CSMD1: variants seen among roughly 807,000 people sequenced by gnomAD.
The protein encoded by CSMD1 is CUB and sushi domain-containing protein 1.
CSMD1 carries 213 observed loss-of-function variants against 417.5 expected under a neutral mutation model. That is an observed-to-expected ratio of 0.51 (90% CI 0.46 to 0.57). CSMD1 has a LOEUF of 0.57. CSMD1 is among the 20% of genes least tolerant of loss of function. The pLI is 0.00. For synonymous variants in CSMD1, 2,862 were observed against 1,736.8 expected (o/e 1.65, Z -16.11); for missense variants, 6,923 against 4,529.7 (o/e 1.53, Z -15.17).
At chr8:3,478,861 C>A (rs538473116) in intron 11 of CSMD1, among the ~76,000 whole-genome samples, 135 of 152,290 alleles carry the variant, frequency 8.9e-4, no homozygotes, top group Non-Finnish European at 1.8e-3. Context: ...TATAAATGAT[C>A]TCACCTGGGG....
rs1402323994 is a variant in CSMD1, at chr8:4,219,275, A to G, written c.416-187176T>C. Among the ~76,000 whole-genome samples the G allele has an allele frequency of 3.9e-5, 6 of 152,172 alleles. No homozygotes were observed. The East Asian group carries it at 1.2e-3, about 29-fold the overall frequency. On this transcript the variant is annotated intron_variant, in intron 3 of 69. Coordinates refer to ENST00000635120, the MANE Select transcript of CSMD1 (RefSeq NM_033225.6). ...GTTACCACTTTACAAATATGTGATT[A>G]TTTCTTTCAGTTCAAATGCAGGTCT...
intron 5 of CSMD1, among the ~76,000 whole-genome samples, chr8:3,894,154 C>T (rs960870011): frequency 2.6e-5 from 4 of 152,196 alleles, no homozygotes; most frequent in African/African-American, 9.7e-5. Context: ...GCAAAAACTA[C>T]TCTATGCTAC....
chr8:3,523,792 T>A (rs538574094), intron 10 of CSMD1, among the ~76,000 whole-genome samples: 1 of 136,092 alleles, frequency 7.3e-6, no homozygotes, highest in Non-Finnish European at 1.5e-5. Flanking sequence ...CAGAGACATA[T>A]GCACACATGT....
intron 10 of CSMD1, among the ~76,000 whole-genome samples, chr8:3,552,189 T>C (rs12056949): frequency 0.48 from 72,918 of 151,834 alleles, 17,924 homozygotes; most frequent in East Asian, 0.55. Context: ...AACAGAGTAC[T>C]GTCTGTGGAA....
rs113029304 is a variant in CSMD1, at chr8:4,229,913, T to C, written c.415+190040A>G. On this transcript the variant is annotated intron_variant, in intron 3 of 69. Coordinates refer to ENST00000635120, the MANE Select transcript of CSMD1 (RefSeq NM_033225.6). ...TCGCTTTGAGTGATACTCAATAATATTTGTTGATTGAGTGAATATCTTACA... is the reference window on the plus strand; with the variant it reads ...TCGCTTTGAGTGATACTCAATAATACTTGTTGATTGAGTGAATATCTTACA... Among the ~76,000 whole-genome samples, 1,008 of 152,316 alleles carry C rather than the reference T, an allele frequency of 6.6e-3. 10 individuals carry two copies. The highest frequency in any genetic ancestry group is 0.023 in the African/African-American group (971 of 41,572).
intron 3 of CSMD1, among the ~76,000 whole-genome samples, chr8:4,211,678 T>C (rs1474797889): frequency 6.6e-6 from 1 of 152,230 alleles, no homozygotes; most frequent in Non-Finnish European, 1.5e-5. Flanking sequence ...TTAGCTGAAA[T>C]GCAGACTTTA....
At chr8:4,703,583 A>G (rs1807725416) in intron 1 of CSMD1, among the ~76,000 whole-genome samples, 1 of 152,202 alleles carries the variant, frequency 6.6e-6, no homozygotes, top group Non-Finnish European at 1.5e-5. Context: ...AAAGTAATGA[A>G]AACACTTTGG....
At chr8:4,529,335 C>G (rs954590297) in intron 2 of CSMD1, among the ~76,000 whole-genome samples, 1 of 152,222 alleles carries the variant, frequency 6.6e-6, no homozygotes, top group East Asian at 1.9e-4. Flanking sequence ...AAGAATCCAG[C>G]TGTCTGCTGT....
chr8:3,591,755 C>T (rs1800856170), intron 8 of CSMD1, among the ~76,000 whole-genome samples: 1 of 149,558 alleles, frequency 6.7e-6, no homozygotes, highest in Non-Finnish European at 1.5e-5. Context: ...AACGGAGAGA[C>T]AGATGATAGA....
intron 2 of CSMD1, among the ~76,000 whole-genome samples, chr8:4,440,858 G>A (rs1300313774): frequency 2.0e-5 from 3 of 151,704 alleles, no homozygotes; most frequent in Admixed American, 6.6e-5. Context: ...TTAGCTGGGA[G>A]TGGGGGTGAA....
intron 2 of CSMD1, among the ~76,000 whole-genome samples, chr8:4,470,779 A>C (rs1211642489): frequency 6.6e-6 from 1 of 152,254 alleles, no homozygotes; most frequent in Non-Finnish European, 1.5e-5. Flanking sequence ...TTATTTAGAC[A>C]ATATTTAAGG....
At chr8:3,550,172 T>G (rs1039571424) in intron 10 of CSMD1, among the ~76,000 whole-genome samples, 1 of 152,182 alleles carries the variant, frequency 6.6e-6, no homozygotes, top group Admixed American at 6.5e-5. Context: ...TGCTTCACCT[T>G]TTGATCCCGA....
chr8:3,571,762 G>T (rs959871443), intron 10 of CSMD1, among the ~76,000 whole-genome samples: 1 of 152,114 alleles, frequency 6.6e-6, no homozygotes, highest in African/African-American at 2.4e-5. Flanking sequence ...CTCCGTCTGG[G>T]GCAATTTCCC....
chr8:3,909,443 A>G (rs111936625), intron 5 of CSMD1, among the ~76,000 whole-genome samples: 3 of 152,128 alleles, frequency 2.0e-5, no homozygotes, highest in Non-Finnish European at 4.4e-5. Flanking sequence ...AGAAAAAGGC[A>G]GAACACACGG....
At chr8:4,156,474 A>G (rs1023569939) in intron 3 of CSMD1, among the ~76,000 whole-genome samples, 6 of 152,252 alleles carry the variant, frequency 3.9e-5, no homozygotes, top group Admixed American at 3.9e-4. Context: ...TTTATTGAGC[A>G]TTTTTATGTC....
chr8:3,513,446 C>G (rs930452720), intron 10 of CSMD1, among the ~76,000 whole-genome samples: 2 of 151,966 alleles, frequency 1.3e-5, no homozygotes, highest in South Asian at 4.1e-4. Context: ...CCGACTCAGC[C>G]TCCTGAATAG....
intron 5 of CSMD1, among the ~76,000 whole-genome samples, chr8:3,983,491 A>G (rs1461578110): frequency 6.6e-6 from 1 of 152,162 alleles, no homozygotes; most frequent in African/African-American, 2.4e-5. Context: ...TCATGAGGAA[A>G]ATATACTTAC....
At chr8:3,450,544 C>A (rs112311456) in intron 12 of CSMD1, among the ~76,000 whole-genome samples, 8 of 150,254 alleles carry the variant, frequency 5.3e-5, no homozygotes, top group African/African-American at 1.5e-4. Context: ...TCCCACCTAT[C>A]AATGAGAACA....
At chr8:3,491,836 C>G (rs1471003034) in intron 11 of CSMD1, among the ~76,000 whole-genome samples, 2 of 152,184 alleles carry the variant, frequency 1.3e-5, no homozygotes, top group South Asian at 2.1e-4. Flanking sequence ...GAAACCAGCC[C>G]CACACCACCC....
Sources: allele counts gnomAD v4.1 joint callset (sites outside exome capture counted in the v4.1 genomes callset), GRCh38; gene constraint gnomAD v4.1.1; transcripts MANE v1.5; gene names NCBI Gene and HGNC (gene_info 2026-07-23, HGNC 2026-07-21).